The following EMX1 variants were observed in gnomAD, a reference collection of about 807,000 sequenced individuals.
EMX1 encodes homeobox protein EMX1.
Under a neutral mutation model 20.1 loss-of-function variants are expected in EMX1, and 10 were observed. The observed-to-expected ratio is 0.50, with a 90% CI of 0.31 to 0.84. The LOEUF is 0.84. Among genes scored for constraint, EMX1 ranks in the 40% least tolerant of loss-of-function variants. EMX1 has a pLI of 0.05. For synonymous variants in EMX1, 250 were observed against 200.4 expected, an observed-to-expected ratio of 1.25 and a Z score of -2.09; for missense variants, 424 against 431.9, an observed-to-expected ratio of 0.98 and a Z score of 0.16.
At position 72,917,925 on chromosome 2, in the gene EMX1, C is replaced by T. The variant is rs990972541; in HGVS notation, c.73C>T (p.Pro25Ser). The T allele has an allele frequency of 7.9e-5, 117 of 1,485,292 alleles. No homozygotes were observed. The highest frequency in any genetic ancestry group is 9.7e-5 in the Non-Finnish European group (109 of 1,125,556). The allele number at this position is 1,485,292 out of a possible 1,614,324, so 92.0% of individuals were successfully genotyped here. Residue 25 changes from proline (P) to serine (S), a missense_variant, in exon 1 of 3, where the codon CCT becomes TCT. Physicochemically the swap from Pro to Ser is moderately conservative, Grantham distance 74. This residue lies in a region of EMX1 where 333 missense variants were observed against 296.6 expected (regional missense o/e 1.12). Transcript: ENST00000258106. ...GRGALPRARL[P>S]RTAPAAATMF... ...CGGAGCGCTCCCCAGAGCCCGGCTG[C>T]CTCGCACAGCTCCCGCGGCTGCGAC...
chr2:72,926,265 A>G, intron 2 of EMX1: 1 of 985,432 alleles, frequency 1.0e-6, no homozygotes. Flanking sequence ...CTGCCTGTCA[A>G]TATTTGCTCC....
chr2:72,924,012 C>T, intron 1 of EMX1: 1 of 524,424 alleles, frequency 1.9e-6, no homozygotes, highest in Non-Finnish European at 3.3e-6. Flanking sequence ...TGGGTCCACG[C>T]CTCGTCCGGC....
chr2:72,916,521 C>T (rs1670964754), upstream of EMX1: 1 of 600,264 alleles, frequency 1.7e-6, no homozygotes, highest in Admixed American at 2.9e-5. Flanking sequence ...AGTCCCGGCT[C>T]TCACAGCCTG....
chr2:72,917,610 G>A lies in EMX1; in HGVS notation c.-243G>A, dbSNP rs1670990015. 1.3e-5 allele frequency: 3 copies of A among 229,856 alleles called. No individual in the cohort carries two copies. The highest frequency in any genetic ancestry group is 5.7e-5 in the Admixed American group (1 of 17,566). 14.2% of individuals were successfully genotyped at this position (229,856 alleles called of 1,614,324 possible). On this transcript the variant is annotated 5_prime_UTR_variant, in exon 1 of 3. Coordinates refer to ENST00000258106, the MANE Select transcript of EMX1 (RefSeq NM_004097.3). ...GGTCGGTCCCAGCGGGACTCCGAAA[G>A]GAGGGAGACGAGCTCAACCCTCGGG...
Position 72,933,673 on chromosome 2 carries a change from A to G in EMX1, c.706-114A>G, listed in dbSNP as rs1334934326. ...ACCCCGGCCTGGGGCCCCTAACCCT[A>G]TGTAGCCTCAGTCTTCCCATCAGGC... On this transcript the variant is annotated intron_variant, in intron 2 of 2. Transcript: ENST00000258106. 8 of 1,398,172 alleles carry G rather than the reference A, an allele frequency of 5.7e-6. No homozygotes were observed. The African/African-American group carries it at 8.7e-5, about 15-fold the overall frequency. The allele number at this position is 1,398,172 out of a possible 1,614,324, so 86.6% of individuals were successfully genotyped here.
rs200605330 is a variant in EMX1 at position 72,924,513 on chromosome 2, G to A, written c.705+20G>A. On this transcript the variant is annotated intron_variant, in intron 2 of 2. Coordinates refer to ENST00000258106, the MANE Select transcript of EMX1 (RefSeq NM_004097.3). Reference sequence around the variant, plus strand: ...ACGCAGGTAATCACCCCCGGTCGCGGCCTGCCCTGCGCCCGGAGCCCGGGT... The same window carrying A: ...ACGCAGGTAATCACCCCCGGTCGCGACCTGCCCTGCGCCCGGAGCCCGGGT... The A allele has an allele frequency of 8.4e-6, 13 of 1,550,528 alleles. No homozygotes were observed. The Admixed American group carries it at 1.8e-4, about 22-fold the overall frequency.
chr2:72,920,461 A>G (rs996088197), intron 1 of EMX1, among the ~76,000 whole-genome samples: 4 of 152,252 alleles, frequency 2.6e-5, no homozygotes, highest in South Asian at 2.1e-4. Context: ...TTCGCGGTCC[A>G]TCGTCGCCGC....
chr2:72,916,388 G>A, upstream of EMX1: 4 of 455,802 alleles, frequency 8.8e-6, no homozygotes, highest in East Asian at 1.3e-4. Flanking sequence ...ACTCTCTGCG[G>A]CTCCCTCTCC....
chr2:72,930,336 CA>C lies in EMX1; in HGVS notation c.706-3450del, dbSNP rs1177009944. On this transcript the variant is annotated intron_variant, in intron 2 of 2. Transcript: ENST00000258106. The surrounding 1 kb of genome is among the most constrained non-coding windows in gnomAD (Gnocchi z 4.4). ...ACTGGGAAGAGGTACTAAGGAACTA[CA>C]GGCAGGTGATGGGGCAGGACCATTA... Among the ~76,000 whole-genome samples, 1 of 152,128 alleles carries C rather than the reference CA, an allele frequency of 6.6e-6. No individual in the cohort carries two copies. Among genetic ancestry groups the C allele is most frequent in the Non-Finnish European group, 1.5e-5 (1 of 67,984 alleles).
chr2:72,918,214 A>C lies in EMX1; in HGVS notation c.362A>C (p.Glu121Ala). 6.4e-7 allele frequency: 1 copy of C among 1,568,610 alleles called. No individual in the cohort carries two copies. The highest frequency in any genetic ancestry group is 8.6e-7 in the Non-Finnish European group (1 of 1,168,926). ...GGTGGGCCCGAGCTCGTGTTCCCCG[A>C]GGCCATGAACCACCCCGCGCTGACC... Reference protein sequence around the residue: ...LYGGPELVFPEAMNHPALTVH... With the variant: ...LYGGPELVFPAAMNHPALTVH... The change falls in exon 1 of 3, where the codon GAG becomes GCG. Residue 121 changes from glutamate (E) to alanine (A), a missense_variant. This residue lies in a region of EMX1 where 333 missense variants were observed against 296.6 expected (regional missense o/e 1.12). Transcript: ENST00000258106.
upstream of EMX1, chr2:72,916,363 C>T: frequency 5.2e-6 from 2 of 382,388 alleles, no homozygotes; most frequent in Non-Finnish European, 9.6e-6. Context: ...ACCCCGGCAG[C>T]GGCGAGGAAG....
At chr2:72,924,611 C>T in intron 2 of EMX1, 118 bp downstream of exon 2, 1 of 1,222,706 alleles carries the variant, frequency 8.2e-7, no homozygotes, top group Non-Finnish European at 1.1e-6. Flanking sequence ...TTCCAAAAGG[C>T]CCCCATTCCC....
chr2:72,916,294 G>A (rs1670960323), upstream of EMX1: 3 of 223,996 alleles, frequency 1.3e-5, no homozygotes, highest in Non-Finnish European at 2.7e-5. Context: ...TGGCCTTGGG[G>A]CGTCAGGAGG....
At chr2:72,928,516 G>A (rs2105269525) in intron 2 of EMX1, among the ~76,000 whole-genome samples, 1 of 152,254 alleles carries the variant, frequency 6.6e-6, no homozygotes, top group South Asian at 2.1e-4. Flanking sequence ...CGGGGGCAGG[G>A]GTAAGTTAGT....
rs1325592312 is a variant in EMX1 at position 72,934,784 on chromosome 2, A to G, written c.*830A>G. On this transcript the variant is annotated 3_prime_UTR_variant, in exon 3 of 3. Transcript: ENST00000258106. ...ACAAAGGCTGACGGTTCCAGTCCGA[A>G]GTCGTGGGCCCACCAGGATGCTCAC... The G allele has an allele frequency of 6.6e-6, 1 of 152,162 alleles. No homozygotes were observed. The highest frequency in any genetic ancestry group is 1.5e-5 in the Non-Finnish European group (1 of 68,066). 9.4% of individuals were successfully genotyped at this position (152,162 alleles called of 1,614,324 possible).
chr2:72,916,839 G>A (rs1460730142), upstream of EMX1: 14 of 717,092 alleles, frequency 2.0e-5, no homozygotes, highest in Admixed American at 2.0e-4. Flanking sequence ...GTCCAAGCCG[G>A]TCGCGGCACC....
chr2:72,925,493 G>A, intron 2 of EMX1: 1 of 1,289,034 alleles, frequency 7.8e-7, no homozygotes, highest in Non-Finnish European at 1.0e-6. Context: ...CTGCCCTGGA[G>A]GTGGATTTCA....
At chr2:72,925,818 T>C in intron 2 of EMX1, 1 of 985,444 alleles carries the variant, frequency 1.0e-6, no homozygotes, top group Non-Finnish European at 1.2e-6. Flanking sequence ...TCGTCATATC[T>C]GTCTGCTGCC....
intron 2 of EMX1, among the ~76,000 whole-genome samples, chr2:72,932,632 G>T (rs1444296665): frequency 6.6e-6 from 1 of 152,132 alleles, no homozygotes; most frequent in African/African-American, 2.4e-5. Context: ...CTGTGTCCTG[G>T]ACACTGAACA....
Sources: allele counts gnomAD v4.1 joint callset (sites outside exome capture counted in the v4.1 genomes callset), GRCh38; gene constraint gnomAD v4.1.1; regional missense constraint gnomAD v4.1.1; non-coding constraint Gnocchi (gnomAD v3.1); transcripts MANE v1.5; gene names NCBI Gene and HGNC (gene_info 2026-07-23, HGNC 2026-07-21).